Variants in KIF13B observed in about 807,000 individuals in gnomAD.
The protein encoded by KIF13B is kinesin family member 13B.
A neutral mutation model predicts 222.0 loss-of-function variants in KIF13B; 127 were observed. The observed-to-expected ratio is 0.57, with a 90% CI of 0.50 to 0.66. The LOEUF (loss-of-function observed/expected upper bound fraction) is 0.66. Ranked by LOEUF, KIF13B falls within the 30% of genes least tolerant of loss-of-function variation. The pLI is 0.00. For missense variants in KIF13B, 2,173 were observed against 2,379.0 expected, an observed-to-expected ratio of 0.91 and a Z score of 1.80; for synonymous variants, 976 against 919.0, an observed-to-expected ratio of 1.06 and a Z score of -1.12.
intron 37 of KIF13B, among the ~76,000 whole-genome samples, chr8:29,075,902 C>T (rs1054787107): frequency 7.2e-5 from 11 of 152,198 alleles, no homozygotes; most frequent in African/African-American, 1.2e-4. Context: ...AAGAAGACAG[C>T]TGAAGGCCAG....
Position 29,113,486 on chromosome 8 carries a change from CAA to C in KIF13B, c.3905_3906del (p.Phe1302Ter). The C allele has an allele frequency of 6.3e-7, 1 of 1,586,512 alleles. No homozygotes were observed. The highest frequency in any genetic ancestry group is 8.6e-7 in the Non-Finnish European group (1 of 1,163,614). On this transcript the variant is annotated frameshift_variant, in exon 32 of 40. Coordinates refer to ENST00000524189, the MANE Select transcript of KIF13B (RefSeq NM_015254.4). LOFTEE classifies it high-confidence loss of function. ...RSSIPGCGVT[F>X]EIVSNIPEDA... ...ACCTCTGGAATATTGGAGACAATTT[CAA>C]AAGTCACTCCACAGCCAGGAATAGA...
chr8:29,192,016 A>T (rs986064492), intron 3 of KIF13B, among the ~76,000 whole-genome samples: 3 of 151,940 alleles, frequency 2.0e-5, no homozygotes, highest in Non-Finnish European at 4.4e-5. Flanking sequence ...CTTAGCAGGG[A>T]GTGTTTATTT....
At chr8:29,142,427 C>G in intron 18 of KIF13B, 124 bp from the exon 19 acceptor site, 1 of 798,908 alleles carries the variant, frequency 1.3e-6, no homozygotes, top group South Asian at 1.8e-5. Context: ...ATCCTTTAAT[C>G]TGTTGATTAC....
At position 29,075,427 on chromosome 8, in the gene KIF13B, C is replaced by G; in HGVS notation, c.4459-84G>C. The G allele has an allele frequency of 2.4e-6, 3 of 1,255,538 alleles. No individual in the cohort carries two copies. The South Asian group carries it at 4.4e-5, about 18-fold the overall frequency. 77.8% of individuals were successfully genotyped at this position (1,255,538 alleles called of 1,614,324 possible). ...GTTTCCGCTGCACAGGCTGGAGGGC[C>G]AGGACCTGCCCGAGGGGAATCGGCC... On this transcript the variant is annotated intron_variant, in intron 37 of 39. Coordinates refer to ENST00000524189, the MANE Select transcript of KIF13B (RefSeq NM_015254.4).
At chr8:29,127,830 C>T (rs1810181441) in intron 24 of KIF13B, among the ~76,000 whole-genome samples, 1 of 152,014 alleles carries the variant, frequency 6.6e-6, no homozygotes, top group Non-Finnish European at 1.5e-5. Flanking sequence ...ATCTTAAGCA[C>T]CTTTAAGAAC....
chr8:29,096,263 C>T (rs1475222798), intron 36 of KIF13B, among the ~76,000 whole-genome samples: 4 of 146,148 alleles, frequency 2.7e-5, no homozygotes, highest in East Asian at 2.1e-4. Context: ...GGATTACAGG[C>T]GTAAGCCACT....
chr8:29,108,830 A>G (rs1474689166), intron 34 of KIF13B, among the ~76,000 whole-genome samples: 1 of 152,200 alleles, frequency 6.6e-6, no homozygotes, highest in Non-Finnish European at 1.5e-5. Context: ...TGAAGTTAGG[A>G]GGAAAGTATC....
chr8:29,107,010 T>G (rs1809103335), intron 35 of KIF13B, among the ~76,000 whole-genome samples: 1 of 152,186 alleles, frequency 6.6e-6, no homozygotes, highest in African/African-American at 2.4e-5. Context: ...GGTGCCCAAG[T>G]AAGACAGTTT....
chr8:29,209,905 A>AG (rs398007370), intron 2 of KIF13B, among the ~76,000 whole-genome samples: 1 of 150,938 alleles, frequency 6.6e-6, no homozygotes, highest in African/African-American at 2.4e-5. Flanking sequence ...AAAAAAAAAA[A>AG]TAGCTGGGTG....
At chr8:29,115,077 C>T (rs181943717) in intron 31 of KIF13B, among the ~76,000 whole-genome samples, 3 of 152,200 alleles carry the variant, frequency 2.0e-5, no homozygotes, top group Admixed American at 6.5e-5. Flanking sequence ...ATGGCATTAC[C>T]GCCAGTCTTC....
intron 2 of KIF13B, among the ~76,000 whole-genome samples, chr8:29,200,575 T>G (rs1813650405): frequency 6.6e-6 from 1 of 152,210 alleles, no homozygotes; most frequent in Non-Finnish European, 1.5e-5. Context: ...CAAATATTTC[T>G]TATATCACCA....
At chr8:29,119,717 C>G (rs768691298) in intron 29 of KIF13B, among the ~76,000 whole-genome samples, 10 of 152,142 alleles carry the variant, frequency 6.6e-5, no homozygotes, top group Non-Finnish European at 1.0e-4. Context: ...CACCCTCAGG[C>G]GCCAAGTTCA....
intron 37 of KIF13B, among the ~76,000 whole-genome samples, chr8:29,091,758 AT>A (rs1328714554): frequency 6.6e-6 from 1 of 152,234 alleles, no homozygotes; most frequent in Non-Finnish European, 1.5e-5. Flanking sequence ...TCCTGCAGTC[AT>A]AGATTCATTT....
In KIF13B at chr8:29,070,558, G is replaced by T. The variant is rs1399252631; in HGVS notation, c.5427C>A (p.Ala1809=). 1 of 1,608,122 alleles carries T rather than the reference G, an allele frequency of 6.2e-7. No homozygotes were observed. The highest frequency in any genetic ancestry group is 8.5e-7 in the Non-Finnish European group (1 of 1,177,886). ...GGTTCTTGTGGCTCCTGTCGGCCTT[G>T]GCCAGGGCAGCTGTCAGCGAGGCCA... ...TNLASLTAAL[A]KADRSHKNPE... is the part of the protein sequence containing the mutation. The change falls in exon 40 of 40, where the codon GCC becomes GCA. Residue 1809 remains alanine (A), a synonymous_variant. Transcript: ENST00000524189. This position sits in a 1 kb window ranked among gnomAD's most constrained non-coding sequence, Gnocchi z 4.1.
intron 23 of KIF13B, 105 bp downstream of exon 23, chr8:29,132,203 G>T: frequency 1.3e-6 from 1 of 795,492 alleles, no homozygotes. Context: ...CCAAGATCGT[G>T]CCACTGCACT....
intron 37 of KIF13B, among the ~76,000 whole-genome samples, chr8:29,084,658 C>T (rs997528094): frequency 3.7e-4 from 56 of 152,284 alleles, no homozygotes; most frequent in African/African-American, 1.3e-3. Context: ...ATCAAAGACG[C>T]CATTTACAGT....
intron 2 of KIF13B, among the ~76,000 whole-genome samples, chr8:29,201,741 A>G (rs941136099): frequency 6.6e-6 from 1 of 152,230 alleles, no homozygotes; most frequent in African/African-American, 2.4e-5. Flanking sequence ...ATACATCACA[A>G]AGAGCTTATT....
intron 14 of KIF13B, 103 bp downstream of exon 14, chr8:29,155,623 T>C: frequency 1.0e-6 from 1 of 982,550 alleles, no homozygotes; most frequent in African/African-American, 1.6e-5. Flanking sequence ...ACTGGATTAC[T>C]TAATGTGGTC....
At position 29,131,908 on chromosome 8, in the gene KIF13B, C is replaced by A. The variant is rs143536902; in HGVS notation, c.2942+400G>T. Among the ~76,000 whole-genome samples the A allele has an allele frequency of 5.9e-5, 9 of 152,232 alleles. No homozygotes were observed. In the East Asian group the frequency reaches 1.7e-3, roughly 29 times the overall value. On this transcript the variant is annotated intron_variant, in intron 23 of 39. Coordinates refer to ENST00000524189, the MANE Select transcript of KIF13B (RefSeq NM_015254.4). ...ACTGGTCATGCTCAGAAAATAGTAA[C>A]CTCTATAAATGGCAGTACTAATCTC... is the stretch of plus-strand genomic sequence containing the variant.
Sources: allele counts gnomAD v4.1 joint callset (sites outside exome capture counted in the v4.1 genomes callset), GRCh38; gene constraint gnomAD v4.1.1; non-coding constraint Gnocchi (gnomAD v3.1); transcripts MANE v1.5; gene names NCBI Gene and HGNC (gene_info 2026-07-23, HGNC 2026-07-21).